The following RNF180 variants were observed in gnomAD, a reference collection of about 807,000 sequenced individuals.
RNF180 encodes the protein E3 ubiquitin-protein ligase RNF180.
In RNF180, 38 loss-of-function variants were observed where a neutral mutation model predicts 59.2. The observed-to-expected ratio is 0.64, with a 90% CI of 0.50 to 0.84. The LOEUF is 0.84. Among genes scored for constraint, RNF180 ranks in the 40% least tolerant of loss-of-function variants. The pLI, the probability that RNF180 is intolerant of heterozygous loss-of-function variation, is 0.00. For synonymous variants in RNF180, 262 were observed against 240.3 expected (o/e 1.09, Z -0.84); for missense variants, 705 against 700.9 (o/e 1.01, Z -0.07).
At chr5:64,362,553 G>A (rs959338289) in intron 7 of RNF180, among the ~76,000 whole-genome samples, 4 of 151,780 alleles carry the variant, frequency 2.6e-5, no homozygotes, top group Non-Finnish European at 2.9e-5. Flanking sequence ...GAACATACAC[G>A]TGCATGTGTC....
chr5:64,210,642 C>A (rs1197371897), intron 2 of RNF180, among the ~76,000 whole-genome samples: 1 of 152,086 alleles, frequency 6.6e-6, no homozygotes, highest in African/African-American at 2.4e-5. Context: ...TTCAAAAGAC[C>A]TATTAGTCTG....
intron 2 of RNF180, among the ~76,000 whole-genome samples, chr5:64,209,336 C>T (rs1353180327): frequency 1.3e-5 from 2 of 151,548 alleles, no homozygotes; most frequent in Non-Finnish European, 3.0e-5. Flanking sequence ...GTGGTTTTTT[C>T]GTGTTATGAT....
chr5:64,234,021 T>C lies in RNF180; in HGVS notation c.1227+16625T>C, dbSNP rs143629554. 3.9e-3 allele frequency among the ~76,000 whole-genome samples: 592 copies of C among 152,332 alleles called. 3 individuals are homozygous for C. The highest frequency in any genetic ancestry group is 0.014 in the African/African-American group (573 of 41,568). On this transcript the variant is annotated intron_variant, in intron 5 of 7. Transcript: ENST00000389100. ...AAAGAAAGTTAGAAATGTCAGTAGT[T>C]TGATATTGGAGTCCTAACTCCCCTG... is the stretch of plus-strand genomic sequence containing the variant.
At chr5:64,362,090 A>G in intron 7 of RNF180, among the ~76,000 whole-genome samples, 1 of 151,482 alleles carries the variant, frequency 6.6e-6, no homozygotes, top group Non-Finnish European at 1.5e-5. Context: ...GATTAAAATA[A>G]TTTTTTAACT....
chr5:64,340,522 T>C (rs1277019150), intron 7 of RNF180, among the ~76,000 whole-genome samples: 2 of 152,200 alleles, frequency 1.3e-5, no homozygotes, highest in Non-Finnish European at 2.9e-5. Context: ...CAGTACATGC[T>C]CACACAGCAT....
intron 5 of RNF180, among the ~76,000 whole-genome samples, chr5:64,310,017 T>C (rs1343355277): frequency 1.3e-5 from 2 of 151,764 alleles, no homozygotes; most frequent in Non-Finnish European, 3.0e-5. Flanking sequence ...TGTAGTGCCC[T>C]TTCTCAGATG....
At chr5:64,184,867 A>G (rs1750796261) in intron 1 of RNF180, among the ~76,000 whole-genome samples, 1 of 152,202 alleles carries the variant, frequency 6.6e-6, no homozygotes, top group Admixed American at 6.5e-5. Flanking sequence ...AGGTAAACCC[A>G]GGGCTGAGTC....
chr5:64,350,915 C>T (rs956826655), intron 7 of RNF180, among the ~76,000 whole-genome samples: 9 of 151,926 alleles, frequency 5.9e-5, no homozygotes, highest in African/African-American at 2.2e-4. Flanking sequence ...TCTATATGAA[C>T]TTTAAAGTAG....
At position 64,326,671 on chromosome 5, in the gene RNF180, C is replaced by T. The variant is rs565532558; in HGVS notation, c.1453+1260C>T. Among the ~76,000 whole-genome samples, 5 of 152,182 alleles carry T rather than the reference C, an allele frequency of 3.3e-5. No individual in the cohort carries two copies. The South Asian group carries it at 1.0e-3, about 32-fold the overall frequency. ...CCTTGCATTTGTTGGATAAATCCCG[C>T]TTGGTCATAGTGTATCATCTTGATG... On this transcript the variant is annotated intron_variant, in intron 6 of 7. Transcript: ENST00000389100.
At chr5:64,257,850 G>A (rs556458838) in intron 5 of RNF180, among the ~76,000 whole-genome samples, 14 of 152,206 alleles carry the variant, frequency 9.2e-5, no homozygotes, top group Admixed American at 2.6e-4. Flanking sequence ...AAGTTAACAA[G>A]GATATACAGG....
intron 7 of RNF180, among the ~76,000 whole-genome samples, chr5:64,345,406 C>G (rs1031631547): frequency 1.1e-4 from 17 of 152,188 alleles, no homozygotes; most frequent in African/African-American, 4.1e-4. Flanking sequence ...GGAAAGATAA[C>G]TATCCATAGG....
At chr5:64,352,746 A>T (rs1343231331) in intron 7 of RNF180, among the ~76,000 whole-genome samples, 1 of 152,008 alleles carries the variant, frequency 6.6e-6, no homozygotes, top group African/African-American at 2.4e-5. Flanking sequence ...ATTTGTTTGG[A>T]ATTTTTTGAT....
At chr5:64,275,083 C>A (rs1320138205) in intron 5 of RNF180, among the ~76,000 whole-genome samples, 1 of 151,680 alleles carries the variant, frequency 6.6e-6, no homozygotes, top group Non-Finnish European at 1.5e-5. Context: ...ACTAGAATTA[C>A]AAATTCTTTT....
At chr5:64,270,670 A>G (rs1288306357) in intron 5 of RNF180, among the ~76,000 whole-genome samples, 3 of 152,126 alleles carry the variant, frequency 2.0e-5, no homozygotes, top group Non-Finnish European at 2.9e-5. Context: ...TTGAGAATTC[A>G]CTTACACCTT....
At chr5:64,297,829 G>A (rs1025594189) in intron 5 of RNF180, among the ~76,000 whole-genome samples, 2 of 152,038 alleles carry the variant, frequency 1.3e-5, no homozygotes, top group Non-Finnish European at 2.9e-5. Flanking sequence ...TATTTAAATA[G>A]TACATTTGTT....
At chr5:64,213,520 A>G (rs933234928) in intron 3 of RNF180, 38 bp from the exon 4 acceptor site, 2 of 1,538,278 alleles carry the variant, frequency 1.3e-6, no homozygotes, top group East Asian at 4.5e-5. Context: ...TTACTTTATA[A>G]TGAAAGCACT....
chr5:64,282,424 A>C (rs890748470), intron 5 of RNF180, among the ~76,000 whole-genome samples: 4 of 151,970 alleles, frequency 2.6e-5, no homozygotes, highest in South Asian at 2.1e-4. Context: ...TGTTTATTGG[A>C]TCTTCTCCTT....
rs1337944155 is a variant in RNF180 at position 64,214,165 on chromosome 5, T to C, written c.839T>C (p.Phe280Ser). 1 of 1,614,140 alleles carries C rather than the reference T, an allele frequency of 6.2e-7. No homozygotes were observed. The highest frequency in any genetic ancestry group is 8.5e-7 in the Non-Finnish European group (1 of 1,180,016). Residue 280 changes from phenylalanine to serine, a missense_variant, in exon 4 of 8, where the codon TTT (phenylalanine) becomes TCT (serine). Transcript: ENST00000389100. ...CAATCTAGTAAAAATAGCTATTCCT[T>C]TCAGAATCCATCCAGTTTTGATCCT... The part of the protein sequence containing the change: ...PLQSSKNSYS[F>S]QNPSSFDPSM...
At chr5:64,283,024 CAT>C (rs1302049324) in intron 5 of RNF180, among the ~76,000 whole-genome samples, 1 of 152,112 alleles carries the variant, frequency 6.6e-6, no homozygotes, top group Non-Finnish European at 1.5e-5. Flanking sequence ...TTCATTTGGT[CAT>C]ATGTTAAGTT....
Sources: allele counts gnomAD v4.1 joint callset (sites outside exome capture counted in the v4.1 genomes callset), GRCh38; gene constraint gnomAD v4.1.1; transcripts MANE v1.5; gene names NCBI Gene and HGNC (gene_info 2026-07-23, HGNC 2026-07-21).